Variants in PCDHGA2 observed in about 807,000 individuals in gnomAD.
PCDHGA2 encodes protocadherin gamma subfamily A, 2, also known as protocadherin gamma-A2.
Under a neutral mutation model 59.2 loss-of-function variants are expected in PCDHGA2, and 40 were observed. The ratio of observed to expected loss-of-function variants is 0.68; its 90% CI spans 0.52 to 0.88. The LOEUF is 0.88. Among genes scored for constraint, PCDHGA2 ranks in the 40% least tolerant of loss-of-function variants. PCDHGA2 has a pLI of 0.00. For missense variants in PCDHGA2, 1,226 were observed against 1,204.0 expected (o/e 1.02, Z -0.27); for synonymous variants, 560 against 526.0 (o/e 1.06, Z -0.89).
rs1232672788 is a variant in PCDHGA2, at chr5:141,431,315, G to A, written c.2425-63492G>A. The A allele has an allele frequency of 6.2e-7, 1 of 1,614,080 alleles. No individual in the cohort carries two copies. Among genetic ancestry groups the A allele is most frequent in the South Asian group, 1.1e-5 (1 of 91,078 alleles). On this transcript the variant is annotated intron_variant, in intron 1 of 3. Coordinates refer to ENST00000394576, the MANE Select transcript of PCDHGA2 (RefSeq NM_018915.4). The surrounding 1 kb of genome is among the most constrained non-coding windows in gnomAD (Gnocchi z 4.8). ...CTTCTCCCTCATCGTGCAAAATGGAGCCGACGGTAGTAAGTACCCCGAATT... is the reference window on the plus strand; with the variant it reads ...CTTCTCCCTCATCGTGCAAAATGGAACCGACGGTAGTAAGTACCCCGAATT...
At chr5:141,417,940 C>G in intron 1 of PCDHGA2, 2 of 1,613,052 alleles carry the variant, frequency 1.2e-6, no homozygotes, top group Non-Finnish European at 1.7e-6. Context: ...TGTTCTACCC[C>G]ACGCTGTGTG....
At chr5:141,422,041 G>T in intron 1 of PCDHGA2, 3 of 1,611,632 alleles carry the variant, frequency 1.9e-6, no homozygotes, top group South Asian at 1.1e-5. Context: ...GGATCCAGAC[G>T]AGGGAATCAA....
Position 141,476,370 on chromosome 5 carries a change from A to G in PCDHGA2, c.2425-18437A>G, listed in dbSNP as rs747703594. 13 of 1,613,882 alleles carry G rather than the reference A, an allele frequency of 8.1e-6. No individual in the cohort carries two copies. In the East Asian group the frequency reaches 2.7e-4, roughly 33 times the overall value. On this transcript the variant is annotated intron_variant, in intron 1 of 3. Transcript: ENST00000394576. This position sits in a 1 kb window ranked among gnomAD's most constrained non-coding sequence, Gnocchi z 7.6. ...TTTGAGGTGAACCGGGAGACCGGAG[A>G]GATGTTTGTGAACGACCGTCTGGAT...
At chr5:141,389,823 G>A in intron 1 of PCDHGA2, 3 of 1,613,944 alleles carry the variant, frequency 1.9e-6, no homozygotes, top group Non-Finnish European at 2.5e-6. Context: ...CGTGCGTGAC[G>A]GTGGACAGCC....
intron 3 of PCDHGA2, among the ~76,000 whole-genome samples, chr5:141,509,700 TGGA>T (rs1407159498): frequency 6.6e-6 from 1 of 152,192 alleles, no homozygotes; most frequent in East Asian, 1.9e-4. Flanking sequence ...GACGTTGGAC[TGGA>T]GGTGCTGTCT....
chr5:141,352,430 C>T, intron 1 of PCDHGA2: 1 of 1,614,074 alleles, frequency 6.2e-7, no homozygotes. Context: ...GGGCTGCTTT[C>T]AAACCGGTCT....
rs954948864 is a variant in PCDHGA2, at chr5:141,382,821, C to T, written c.2424+41426C>T. On this transcript the variant is annotated intron_variant, in intron 1 of 3. Transcript: ENST00000394576. ...GGATTCTGAGCTCCCCTTCCTAAGACAGAGGGGTCCACCCGGATACACCCG... is the reference window on the plus strand; with the variant it reads ...GGATTCTGAGCTCCCCTTCCTAAGATAGAGGGGTCCACCCGGATACACCCG... 3.1e-6 allele frequency: 4 copies of T among 1,306,294 alleles called. No homozygotes were observed. In the African/African-American group the frequency reaches 5.9e-5, roughly 19 times the overall value. The allele number at this position is 1,306,294 out of a possible 1,614,324, so 80.9% of individuals were successfully genotyped here. A position where few individuals can be genotyped will look rare whatever the true frequency, so the allele number is the denominator to read the frequency against.
chr5:141,384,576 G>A (rs757254740), intron 1 of PCDHGA2: 18 of 1,614,060 alleles, frequency 1.1e-5, no homozygotes, highest in South Asian at 7.7e-5. Context: ...ATGACAACCC[G>A]CCCGAGATCC....
At chr5:141,420,634 G>A (rs891111955) in intron 1 of PCDHGA2, among the ~76,000 whole-genome samples, 2 of 152,080 alleles carry the variant, frequency 1.3e-5, no homozygotes, top group African/African-American at 4.8e-5. Context: ...CTCAATAAAG[G>A]AACCTTGTAA....
intron 1 of PCDHGA2, chr5:141,372,011 G>C (rs759270061): frequency 6.2e-7 from 1 of 1,613,176 alleles, no homozygotes; most frequent in Non-Finnish European, 8.5e-7. Context: ...ACCAGGGCTC[G>C]CCTACGCTCA....
intron 1 of PCDHGA2, chr5:141,392,574 C>G (rs2092557177): frequency 2.2e-6 from 1 of 454,134 alleles, no homozygotes; most frequent in African/African-American, 2.0e-5. Flanking sequence ...CTATTTAGGA[C>G]TGTAAGCGCC....
intron 1 of PCDHGA2, chr5:141,427,590 C>G (rs768990626): frequency 5.9e-6 from 4 of 678,892 alleles, no homozygotes; most frequent in Non-Finnish European, 1.1e-5. Flanking sequence ...CAGCACAAGC[C>G]TCACCCTACG....
chr5:141,349,385 A>G (rs796243160), intron 1 of PCDHGA2, among the ~76,000 whole-genome samples: 1 of 152,262 alleles, frequency 6.6e-6, no homozygotes, highest in African/African-American at 2.4e-5. Context: ...ATATACATTC[A>G]TATAAAAAAG....
At chr5:141,467,352 C>A (rs2099142466) in intron 1 of PCDHGA2, among the ~76,000 whole-genome samples, 1 of 152,140 alleles carries the variant, frequency 6.6e-6, no homozygotes, top group South Asian at 2.1e-4. Context: ...TGCCCCCGGC[C>A]AAATCAACGT....
chr5:141,346,286 G>A (rs962731987), intron 1 of PCDHGA2: 31 of 1,614,092 alleles, frequency 1.9e-5, no homozygotes, highest in Non-Finnish European at 2.3e-5. Flanking sequence ...CTTTCCTGCA[G>A]ACCTATTCCC....
At chr5:141,382,720 T>G in intron 1 of PCDHGA2, 1 of 480,114 alleles carries the variant, frequency 2.1e-6, no homozygotes, top group Non-Finnish European at 3.5e-6. Flanking sequence ...AACCACCGAG[T>G]TTTACAGCAC....
intron 1 of PCDHGA2, among the ~76,000 whole-genome samples, chr5:141,380,425 G>A (rs1383419124): frequency 1.3e-5 from 2 of 152,192 alleles, no homozygotes; most frequent in Non-Finnish European, 1.5e-5. Context: ...AAGCCAAATA[G>A]ACTTTACATA....
At chr5:141,355,208 C>A in intron 1 of PCDHGA2, 1 of 1,598,104 alleles carries the variant, frequency 6.3e-7, no homozygotes, top group Non-Finnish European at 8.5e-7. Context: ...GTAATGGCGG[C>A]GCCTCCTGCT....
At chr5:141,389,140 C>T in intron 1 of PCDHGA2, 3 of 1,613,996 alleles carry the variant, frequency 1.9e-6, no homozygotes, top group Non-Finnish European at 2.5e-6. Context: ...TACAATATAA[C>T]CGTTACGGCA....
Sources: allele counts gnomAD v4.1 joint callset (sites outside exome capture counted in the v4.1 genomes callset), GRCh38; gene constraint gnomAD v4.1.1; non-coding constraint Gnocchi (gnomAD v3.1); transcripts MANE v1.5; gene names NCBI Gene and HGNC (gene_info 2026-07-23, HGNC 2026-07-21).